The following AUTS2 variants were observed in gnomAD, a reference collection of about 807,000 sequenced individuals.
The protein encoded by AUTS2 is activator of transcription and developmental regulator AUTS2.
Under a neutral mutation model 112.4 loss-of-function variants are expected in AUTS2, and 17 were observed. The ratio of observed to expected loss-of-function variants is 0.15; its 90% confidence interval spans 0.10 to 0.23. The LOEUF is 0.23. AUTS2 is among the 10% of genes least tolerant of loss of function. The probability of loss-of-function intolerance (pLI) is 1.00; values close to 1 mark genes in which losing one functional copy is unlikely to be tolerated. For synonymous variants in AUTS2, 751 were observed against 702.7 expected (o/e 1.07, Z -1.09); for missense variants, 1,510 against 1,701.6 (o/e 0.89, Z 1.98).
At chr7:70,204,932 T>G (rs1159417080) in intron 4 of AUTS2, among the ~76,000 whole-genome samples, 1 of 152,176 alleles carries the variant, frequency 6.6e-6, no homozygotes, top group Non-Finnish European at 1.5e-5. Context: ...AAAATTTTAT[T>G]TTGGTCTATA....
intron 2 of AUTS2, among the ~76,000 whole-genome samples, chr7:69,985,377 TG>T (rs1798468009): frequency 6.6e-6 from 1 of 152,112 alleles, no homozygotes; most frequent in African/African-American, 2.4e-5. Context: ...GAAATAGAAG[TG>T]GTGGTACAAA....
chr7:70,117,117 G>GTTTTTTTTTTTTTT (rs60488343), intron 2 of AUTS2, among the ~76,000 whole-genome samples: 1 of 73,096 alleles, frequency 1.4e-5, no homozygotes, highest in African/African-American at 5.8e-5. Flanking sequence ...TTTTTTTTTT[G>GTTTTTTTTTTTTTT]TTTTTTTTTG....
chr7:69,785,433 G>T (rs1271440891), intron 1 of AUTS2, among the ~76,000 whole-genome samples: 1 of 152,358 alleles, frequency 6.6e-6, no homozygotes, highest in African/African-American at 2.4e-5. Flanking sequence ...CAAAGTAGAT[G>T]TTTGGCTGTT....
intron 5 of AUTS2, among the ~76,000 whole-genome samples, chr7:70,658,589 GTACTTCTT>G (rs1377392698): frequency 6.6e-6 from 1 of 152,198 alleles, no homozygotes; most frequent in Non-Finnish European, 1.5e-5. Flanking sequence ...ATTGCGAGAG[GTACTTCTT>G]TCAGCGTTGT....
chr7:70,392,158 T>C (rs1793893479), intron 4 of AUTS2, among the ~76,000 whole-genome samples: 1 of 152,208 alleles, frequency 6.6e-6, no homozygotes, highest in Non-Finnish European at 1.5e-5. Context: ...TTTGTATGAC[T>C]GTTCCTCGCC....
intron 5 of AUTS2, among the ~76,000 whole-genome samples, chr7:70,499,021 G>A (rs1798669733): frequency 6.6e-6 from 1 of 152,150 alleles, no homozygotes; most frequent in Non-Finnish European, 1.5e-5. Flanking sequence ...CAGCCCCTGG[G>A]ACATTGGTTT....
chr7:69,715,029 G>A (rs1055496548), intron 1 of AUTS2, among the ~76,000 whole-genome samples: 9 of 151,778 alleles, frequency 5.9e-5, no homozygotes, highest in Admixed American at 2.0e-4. Context: ...ATCTTTGGTC[G>A]TGTTCCTGCA....
intron 5 of AUTS2, among the ~76,000 whole-genome samples, chr7:70,579,326 C>T (rs888936890): frequency 2.5e-4 from 36 of 146,768 alleles, no homozygotes; most frequent in African/African-American, 9.0e-4. Context: ...GTATGCAATG[C>T]TGAGAAGTGT....
chr7:69,851,503 G>A (rs1284124903), intron 1 of AUTS2, among the ~76,000 whole-genome samples: 2 of 152,090 alleles, frequency 1.3e-5, no homozygotes, highest in South Asian at 2.1e-4. Context: ...CCCCACCTTC[G>A]CCTCCCAAAG....
intron 5 of AUTS2, among the ~76,000 whole-genome samples, chr7:70,474,999 T>C (rs1463549860): frequency 1.3e-5 from 2 of 152,116 alleles, no homozygotes; most frequent in Non-Finnish European, 2.9e-5. Context: ...GGCAGTGACA[T>C]TTATATCTGC....
chr7:69,756,398 A>G (rs1787945965), intron 1 of AUTS2, among the ~76,000 whole-genome samples: 1 of 152,184 alleles, frequency 6.6e-6, no homozygotes, highest in Non-Finnish European at 1.5e-5. Flanking sequence ...TTCACTTCTG[A>G]CTTGAGGAAG....
At chr7:70,269,850 T>C (rs987841809) in intron 4 of AUTS2, among the ~76,000 whole-genome samples, 15 of 152,320 alleles carry the variant, frequency 9.8e-5, no homozygotes, top group Admixed American at 8.5e-4. Flanking sequence ...CTTCCTTTTT[T>C]ACTCCTATAA....
intron 5 of AUTS2, among the ~76,000 whole-genome samples, chr7:70,492,804 AC>A (rs1371024672): frequency 6.6e-6 from 1 of 152,218 alleles, no homozygotes; most frequent in Non-Finnish European, 1.5e-5. Context: ...CTCCGGGCCC[AC>A]ACTATGCTGT....
chr7:70,607,723 T>C (rs956859616), intron 5 of AUTS2, among the ~76,000 whole-genome samples: 2 of 152,200 alleles, frequency 1.3e-5, no homozygotes, highest in Non-Finnish European at 2.9e-5. Flanking sequence ...GTGATTAAGC[T>C]TATATGAAGT....
intron 14 of AUTS2, among the ~76,000 whole-genome samples, chr7:70,780,152 G>T (rs184323472): frequency 6.6e-6 from 1 of 152,236 alleles, no homozygotes; most frequent in Admixed American, 6.5e-5. Flanking sequence ...AGGACCCCAT[G>T]CCTTGGGAGC....
At chr7:69,838,048 A>AGT (rs1791804472) in intron 1 of AUTS2, among the ~76,000 whole-genome samples, 1 of 152,166 alleles carries the variant, frequency 6.6e-6, no homozygotes, top group African/African-American at 2.4e-5. Context: ...TAGCTGGTCT[A>AGT]CTACAAGCTG....
chr7:70,718,009 A>G (rs1009233381), intron 6 of AUTS2, among the ~76,000 whole-genome samples: 3 of 152,136 alleles, frequency 2.0e-5, no homozygotes, highest in Non-Finnish European at 4.4e-5. Flanking sequence ...GTGCATTTGT[A>G]CATTGCAACC....
At chr7:70,457,636 T>C (rs1160520771) in intron 5 of AUTS2, among the ~76,000 whole-genome samples, 1 of 152,172 alleles carries the variant, frequency 6.6e-6, no homozygotes, top group Non-Finnish European at 1.5e-5. Flanking sequence ...GTGGATGGAC[T>C]GCATTGGACA....
intron 5 of AUTS2, among the ~76,000 whole-genome samples, chr7:70,452,234 CA>C: frequency 6.6e-6 from 1 of 152,068 alleles, no homozygotes; most frequent in East Asian, 1.9e-4. Context: ...CCTGTAATCC[CA>C]GCACTTTGGG....
Sources: allele counts gnomAD v4.1 joint callset (sites outside exome capture counted in the v4.1 genomes callset), GRCh38; gene constraint gnomAD v4.1.1; transcripts MANE v1.5; gene names NCBI Gene and HGNC (gene_info 2026-07-23, HGNC 2026-07-21).